DGKB: variants seen among roughly 807,000 people sequenced by gnomAD.
The protein encoded by DGKB is diacylglycerol kinase beta, also known as 90 kDa diacylglycerol kinase.
In DGKB, 67 loss-of-function variants were observed where a neutral mutation model predicts 114.3. The ratio of observed to expected loss-of-function variants is 0.59; its 90% CI spans 0.48 to 0.72. The LOEUF is 0.72. Among genes scored for constraint, DGKB ranks in the 30% least tolerant of loss-of-function variants. DGKB has a pLI of 0.00. For missense variants in DGKB, 907 were observed against 975.2 expected (o/e 0.93, Z 0.93); for synonymous variants, 398 against 323.1 (o/e 1.23, Z -2.49).
chr7:14,318,349 A>T (rs1444980382), intron 23 of DGKB, among the ~76,000 whole-genome samples: 1 of 151,916 alleles, frequency 6.6e-6, no homozygotes, highest in Non-Finnish European at 1.5e-5. Context: ...GTGAACAGGC[A>T]ACCTATAGAA....
chr7:14,216,889 A>G (rs1465457041), intron 23 of DGKB, among the ~76,000 whole-genome samples: 2 of 152,156 alleles, frequency 1.3e-5, no homozygotes, highest in African/African-American at 2.4e-5. Flanking sequence ...TCTTCAGTAG[A>G]TAGAATTATG....
intron 4 of DGKB, among the ~76,000 whole-genome samples, chr7:14,753,401 A>G (rs2128439161): frequency 6.6e-6 from 1 of 152,310 alleles, no homozygotes; most frequent in South Asian, 2.1e-4. Flanking sequence ...ACAGATTTTC[A>G]GGGAGAGTGG....
intron 20 of DGKB, among the ~76,000 whole-genome samples, chr7:14,480,732 A>ATTGAG: frequency 6.6e-6 from 1 of 152,270 alleles, no homozygotes; most frequent in African/African-American, 2.4e-5. Flanking sequence ...TTGTGACTTC[A>ATTGAG]AACAAATTAT....
intron 1 of DGKB, among the ~76,000 whole-genome samples, chr7:14,965,432 G>A (rs1385170565): frequency 2.6e-5 from 4 of 152,022 alleles, no homozygotes; most frequent in African/African-American, 7.2e-5. Context: ...TCAAGTAGAT[G>A]GAATTTATTA....
chr7:14,671,297 A>T (rs1440474708), intron 13 of DGKB, among the ~76,000 whole-genome samples: 1 of 152,132 alleles, frequency 6.6e-6, no homozygotes, highest in East Asian at 1.9e-4. Context: ...GTGAGGTATA[A>T]TGGAAGTCAA....
intron 17 of DGKB, among the ~76,000 whole-genome samples, chr7:14,593,812 G>A (rs1802082600): frequency 7.8e-6 from 1 of 127,570 alleles, no homozygotes; most frequent in African/African-American, 3.0e-5. Flanking sequence ...ACTTTAAAAT[G>A]GTCCAGTTAA....
intron 23 of DGKB, among the ~76,000 whole-genome samples, chr7:14,286,672 C>G (rs1350159156): frequency 6.6e-6 from 1 of 152,040 alleles, no homozygotes; most frequent in Non-Finnish European, 1.5e-5. Flanking sequence ...ACATGTTTTT[C>G]AAGTCTTTCT....
chr7:14,762,258 T>G (rs1835811009), intron 2 of DGKB, among the ~76,000 whole-genome samples: 1 of 152,014 alleles, frequency 6.6e-6, no homozygotes, highest in Non-Finnish European at 1.5e-5. Context: ...TATGGGGAGA[T>G]GAGTTGACTT....
rs985016543 is a variant in DGKB at position 14,354,024 on chromosome 7, G to C, written c.1836-8633C>G. On this transcript the variant is annotated intron_variant, in intron 21 of 25. Transcript: ENST00000402815. ...TATCACTGTCAATGAAGTCTGTATAGACCAGTGAGTGGTAAGTTGACACTT... is the reference window on the plus strand; with the variant it reads ...TATCACTGTCAATGAAGTCTGTATACACCAGTGAGTGGTAAGTTGACACTT... Among the ~76,000 whole-genome samples the C allele has an allele frequency of 5.3e-5, 8 of 152,250 alleles. No homozygotes were observed. In the South Asian group the frequency reaches 8.3e-4, roughly 16 times the overall value.
At chr7:14,661,997 A>T (rs4599702) in intron 13 of DGKB, among the ~76,000 whole-genome samples, 112,510 of 151,784 alleles carry the variant, frequency 0.74, 41,914 homozygotes, top group Admixed American at 0.81. Flanking sequence ...TAGGTGGGAA[A>T]TGAACAATGA....
chr7:14,915,676 G>A (rs1473735127), intron 1 of DGKB, among the ~76,000 whole-genome samples: 2 of 151,726 alleles, frequency 1.3e-5, no homozygotes, highest in African/African-American at 4.8e-5. Flanking sequence ...TTTAAAGTGT[G>A]GAAAGAAAAA....
intron 23 of DGKB, chr7:14,191,357 C>G (rs1562576839): frequency 1.3e-5 from 2 of 156,516 alleles, no homozygotes; most frequent in African/African-American, 2.4e-5. Context: ...ACATCTGTGC[C>G]AATTTCTGGT....
chr7:14,397,463 C>T (rs1294979899), intron 21 of DGKB, among the ~76,000 whole-genome samples: 1 of 151,926 alleles, frequency 6.6e-6, no homozygotes, highest in Non-Finnish European at 1.5e-5. Context: ...AAAGTGAGTT[C>T]TTTTCTTCTT....
intron 23 of DGKB, among the ~76,000 whole-genome samples, chr7:14,180,755 T>C (rs74743575): frequency 0.034 from 5,104 of 152,250 alleles, 243 homozygotes; most frequent in African/African-American, 0.12. Context: ...GAGATCAGGG[T>C]CCTGATTGAT....
intron 20 of DGKB, among the ~76,000 whole-genome samples, chr7:14,485,636 C>A (rs549300113): frequency 6.6e-6 from 1 of 151,930 alleles, no homozygotes. Flanking sequence ...CGGTGGCTCA[C>A]GCCTGTAATC....
intron 1 of DGKB, among the ~76,000 whole-genome samples, chr7:14,930,514 T>C (rs2128250631): frequency 6.6e-6 from 1 of 152,298 alleles, no homozygotes; most frequent in East Asian, 1.9e-4. Flanking sequence ...TCAGCTAGGG[T>C]CATTATTATA....
intron 21 of DGKB, among the ~76,000 whole-genome samples, chr7:14,359,110 A>G (rs1815187351): frequency 6.6e-6 from 1 of 152,018 alleles, no homozygotes; most frequent in African/African-American, 2.4e-5. Context: ...AGATATATAT[A>G]TATATATGTA....
intron 23 of DGKB, among the ~76,000 whole-genome samples, chr7:14,234,629 TC>T (rs1270745390): frequency 6.6e-6 from 1 of 152,054 alleles, no homozygotes; most frequent in Non-Finnish European, 1.5e-5. Context: ...TAACAAAAAA[TC>T]ATTCCAAAAT....
At chr7:14,803,680 T>C (rs1157100665) in intron 2 of DGKB, among the ~76,000 whole-genome samples, 1 of 146,210 alleles carries the variant, frequency 6.8e-6, no homozygotes, top group Non-Finnish European at 1.5e-5. Flanking sequence ...GTATGCGTTT[T>C]GGTCTACTAA....
Sources: allele counts gnomAD v4.1 joint callset (sites outside exome capture counted in the v4.1 genomes callset), GRCh38; gene constraint gnomAD v4.1.1; transcripts MANE v1.5; gene names NCBI Gene and HGNC (gene_info 2026-07-23, HGNC 2026-07-21).